The following PCDHGA2 variants were observed in gnomAD, a reference collection of about 807,000 sequenced individuals.
PCDHGA2 encodes protocadherin gamma-A2.
PCDHGA2 carries 40 observed loss-of-function variants against 59.2 expected under a neutral mutation model. The observed-to-expected ratio is 0.68, with a 90% CI of 0.52 to 0.88. PCDHGA2 has a LOEUF of 0.88. Among genes scored for constraint, PCDHGA2 ranks in the 40% least tolerant of loss-of-function variants. The pLI, the probability that PCDHGA2 is intolerant of heterozygous loss-of-function variation, is 0.00. For missense variants in PCDHGA2, 1,226 were observed against 1,204.0 expected (o/e 1.02, Z -0.27); for synonymous variants, 560 against 526.0 (o/e 1.06, Z -0.89).
At chr5:141,430,573 A>C (rs938248057) in intron 1 of PCDHGA2, 8 of 448,940 alleles carry the variant, frequency 1.8e-5, no homozygotes, top group Non-Finnish European at 3.0e-5. Context: ...AGAAAAGCGG[A>C]GATCCTGCTC....
intron 1 of PCDHGA2, chr5:141,344,576 T>C (rs1369955498): frequency 6.2e-7 from 1 of 1,613,990 alleles, no homozygotes; most frequent in South Asian, 1.1e-5. Flanking sequence ...TCTCTCTGGC[T>C]GTGAATAGCG....
chr5:141,371,081 G>T, intron 1 of PCDHGA2: 11 of 1,613,852 alleles, frequency 6.8e-6, no homozygotes, highest in Non-Finnish European at 9.3e-6. Context: ...CCCAGATCAG[G>T]GTAATTGTCG....
At chr5:141,407,738 A>G (rs928743977) in intron 1 of PCDHGA2, among the ~76,000 whole-genome samples, 3 of 152,046 alleles carry the variant, frequency 2.0e-5, no homozygotes, top group Admixed American at 2.0e-4. Context: ...CACTATATAT[A>G]CTCCCTACTG....
At chr5:141,394,243 A>G (rs2092952699) in intron 1 of PCDHGA2, 2 of 1,613,844 alleles carry the variant, frequency 1.2e-6, no homozygotes, top group East Asian at 4.5e-5. Context: ...TTGACTGCAC[A>G]CGACCCCGAC....
intron 1 of PCDHGA2, among the ~76,000 whole-genome samples, chr5:141,467,421 G>T (rs957302311): frequency 6.6e-6 from 1 of 152,100 alleles, no homozygotes; most frequent in African/African-American, 2.4e-5. Flanking sequence ...CCACACCTAG[G>T]TTATAGAAAC....
chr5:141,340,612 A>G lies in PCDHGA2; in HGVS notation c.1641A>G (p.Ser547=), dbSNP rs772543977. 4.3e-6 allele frequency: 7 copies of G among 1,614,210 alleles called. No individual in the cohort carries two copies. In the Admixed American group the frequency reaches 5.0e-5, roughly 12 times the overall value. Residue 547 remains serine, a synonymous_variant, in exon 1 of 4, where the codon TCA becomes TCG. Coordinates refer to ENST00000394576, the MANE Select transcript of PCDHGA2 (RefSeq NM_018915.4). ...SGNPPLSSNV[S]LSLFVLDQND... ...ACCCTCCACTCAGTAGCAATGTATC[A>G]TTAAGCCTGTTCGTGCTGGACCAGA...
At chr5:141,410,058 T>C in intron 1 of PCDHGA2, 1 of 1,613,016 alleles carries the variant, frequency 6.2e-7, no homozygotes, top group Non-Finnish European at 8.5e-7. Context: ...CTCTTCAGCC[T>C]GGGGCTGCGC....
At chr5:141,345,376 A>T (rs1554072965) in intron 1 of PCDHGA2, 1 of 1,613,246 alleles carries the variant, frequency 6.2e-7, no homozygotes, top group Non-Finnish European at 8.5e-7. Context: ...ATCAATGACA[A>T]CCCACCCACC....
At chr5:141,377,488 C>T (rs1774054188) in intron 1 of PCDHGA2, 1 of 151,792 alleles carries the variant, frequency 6.6e-6, no homozygotes, top group Admixed American at 6.6e-5. Flanking sequence ...CCCAGCTACT[C>T]GAGAAGCTCT....
rs767497197 is a variant in PCDHGA2, at chr5:141,486,350, T to C, written c.2425-8457T>C. The C allele has an allele frequency of 6.2e-7, 1 of 1,614,128 alleles. No homozygotes were observed. Among genetic ancestry groups the C allele is most frequent in the South Asian group, 1.1e-5 (1 of 91,074 alleles). On this transcript the variant is annotated intron_variant, in intron 1 of 3. Transcript: ENST00000394576. The surrounding 1 kb of genome is among the most constrained non-coding windows in gnomAD (Gnocchi z 5.0). ...TGTGAGCCTCCGCATTCCTGACCAC[T>C]TGCCATTTGCCCTCAAGTCTGCCTT...
intron 1 of PCDHGA2, chr5:141,421,405 C>T (rs2096570069): frequency 6.2e-7 from 1 of 1,614,074 alleles, no homozygotes; most frequent in African/African-American, 1.3e-5. Context: ...GCCCCGGGAG[C>T]TGGCGAAGCG....
At chr5:141,406,331 C>A (rs577134835) in intron 1 of PCDHGA2, among the ~76,000 whole-genome samples, 22 of 152,002 alleles carry the variant, frequency 1.4e-4, no homozygotes, top group Non-Finnish European at 2.8e-4. Context: ...CTTACTCCTA[C>A]GATCATTTAT....
chr5:141,465,893 C>A (rs926928579), intron 1 of PCDHGA2, among the ~76,000 whole-genome samples: 1 of 151,962 alleles, frequency 6.6e-6, no homozygotes, highest in Non-Finnish European at 1.5e-5. Context: ...GAGGCCGAGG[C>A]GGGCAAATCA....
chr5:141,408,362 C>T (rs773344794), intron 1 of PCDHGA2: 36 of 1,613,850 alleles, frequency 2.2e-5, no homozygotes, highest in Non-Finnish European at 3.1e-5. Flanking sequence ...CGCTAAGGAT[C>T]TAGGGCTCAG....
intron 1 of PCDHGA2, among the ~76,000 whole-genome samples, chr5:141,473,132 T>C (rs2099314792): frequency 6.6e-6 from 1 of 152,230 alleles, no homozygotes; most frequent in Non-Finnish European, 1.5e-5. Context: ...TGGCAAACTA[T>C]ATTATCTCTT....
chr5:141,407,473 G>A (rs753514459), intron 1 of PCDHGA2, among the ~76,000 whole-genome samples: 4 of 145,182 alleles, frequency 2.8e-5, no homozygotes, highest in Non-Finnish European at 4.6e-5. Context: ...ATGACTGAAT[G>A]GAGTATGGAA....
intron 1 of PCDHGA2, among the ~76,000 whole-genome samples, chr5:141,464,426 GAT>G (rs1287556960): frequency 6.6e-6 from 1 of 151,096 alleles, no homozygotes; most frequent in African/African-American, 2.4e-5. Context: ...TATATATATA[GAT>G]ATATATGTTT....
chr5:141,410,560 A>G (rs769354927), intron 1 of PCDHGA2: 3 of 1,612,824 alleles, frequency 1.9e-6, no homozygotes, highest in African/African-American at 1.3e-5. Flanking sequence ...TTTCTCCTGG[A>G]GCCTTAATTC....
At chr5:141,381,441 G>A (rs1777194515) in intron 1 of PCDHGA2, among the ~76,000 whole-genome samples, 1 of 152,202 alleles carries the variant, frequency 6.6e-6, no homozygotes, top group Admixed American at 6.5e-5. Flanking sequence ...ATCCTGTCAG[G>A]ACAGTCCTGC....
Sources: allele counts gnomAD v4.1 joint callset (sites outside exome capture counted in the v4.1 genomes callset), GRCh38; gene constraint gnomAD v4.1.1; non-coding constraint Gnocchi (gnomAD v3.1); transcripts MANE v1.5; gene names NCBI Gene and HGNC (gene_info 2026-07-23, HGNC 2026-07-21).